Variants in AFG1L observed in about 807,000 individuals in gnomAD.
The protein encoded by AFG1L is AFG1-like ATPase.
In AFG1L, 53 loss-of-function variants were observed where a neutral mutation model predicts 62.2. The observed-to-expected ratio is 0.85, with a 90% CI of 0.68 to 1.07. The LOEUF (loss-of-function observed/expected upper bound fraction) is 1.07, where lower values mean the gene tolerates loss of function less well. Ranked by LOEUF, AFG1L falls within the 50% of genes least tolerant of loss-of-function variation. The probability of loss-of-function intolerance (pLI) is 0.00; values close to 1 mark genes in which losing one functional copy is unlikely to be tolerated. For synonymous variants in AFG1L, 228 were observed against 210.3 expected (o/e 1.08, Z -0.73); for missense variants, 555 against 590.5 (o/e 0.94, Z 0.62).
At chr6:108,355,173 T>C (rs976070087) in intron 3 of AFG1L, among the ~76,000 whole-genome samples, 3 of 151,824 alleles carry the variant, frequency 2.0e-5, no homozygotes, top group African/African-American at 7.2e-5. Context: ...ACTCTTGGGC[T>C]CAGGCAATTC....
intron 5 of AFG1L, among the ~76,000 whole-genome samples, chr6:108,364,864 C>CAAAAAAAAAAA (rs1562110488): frequency 2.4e-5 from 2 of 84,340 alleles, no homozygotes; most frequent in Non-Finnish European, 2.1e-5. Context: ...CCTGAGACAG[C>CAAAAAAAAAAA]CAAAAAAAAA....
In AFG1L at chr6:108,386,767, G is replaced by A. The variant is rs372361115; in HGVS notation, c.749-15229G>A. Among the ~76,000 whole-genome samples the A allele has an allele frequency of 1.5e-3, 226 of 152,320 alleles. 1 individual carries two copies. The highest frequency in any genetic ancestry group is 5.1e-3 in the African/African-American group (214 of 41,566). On this transcript the variant is annotated intron_variant, in intron 6 of 12. Coordinates refer to ENST00000368977, the MANE Select transcript of AFG1L (RefSeq NM_145315.5). ...ATACATGTGACACCAGTAGCAGAAA[G>A]GGGGATGTTTAGTTGGTTCTATACG...
intron 10 of AFG1L, among the ~76,000 whole-genome samples, chr6:108,482,469 A>G (rs1773362145): frequency 6.6e-6 from 1 of 152,182 alleles, no homozygotes; most frequent in African/African-American, 2.4e-5. Flanking sequence ...AACATCTTAC[A>G]TTCATATGGT....
intron 7 of AFG1L, among the ~76,000 whole-genome samples, chr6:108,406,778 C>T (rs1781877071): frequency 6.6e-6 from 1 of 152,164 alleles, no homozygotes; most frequent in Non-Finnish European, 1.5e-5. Flanking sequence ...TCTCATTCTA[C>T]AAAATAGATT....
Position 108,314,588 on chromosome 6 carries a change from G to A in AFG1L, c.140-9237G>A, listed in dbSNP as rs955401403. On this transcript the variant is annotated intron_variant, in intron 1 of 12. Transcript: ENST00000368977. ...ATTTCTTTTGTGTTTTAGTAGAAAC[G>A]GGGTTTCACCGTGTTGCCTAGGCTG... is the stretch of plus-strand genomic sequence containing the variant. 3.9e-4 allele frequency among the ~76,000 whole-genome samples: 60 copies of A among 152,098 alleles called. 1 individual carries two copies. The highest frequency in any genetic ancestry group is 1.3e-3 in the African/African-American group (54 of 41,526).
At chr6:108,436,885 A>G (rs1444879833) in intron 7 of AFG1L, among the ~76,000 whole-genome samples, 1 of 152,236 alleles carries the variant, frequency 6.6e-6, no homozygotes, top group Non-Finnish European at 1.5e-5. Flanking sequence ...TCCCTGGCAC[A>G]TGGTAAGCCC....
At chr6:108,308,353 G>A (rs893028760) in intron 1 of AFG1L, among the ~76,000 whole-genome samples, 4 of 152,006 alleles carry the variant, frequency 2.6e-5, no homozygotes, top group African/African-American at 9.7e-5. Flanking sequence ...ATCTCTCTAT[G>A]TTGCCCAGGT....
intron 10 of AFG1L, among the ~76,000 whole-genome samples, chr6:108,483,940 C>A (rs1277324670): frequency 6.6e-6 from 1 of 152,170 alleles, no homozygotes; most frequent in Non-Finnish European, 1.5e-5. Flanking sequence ...AGTGACATTT[C>A]CCTTCTCTTG....
At chr6:108,502,376 TG>T (rs1774241616) in intron 10 of AFG1L, among the ~76,000 whole-genome samples, 1 of 152,176 alleles carries the variant, frequency 6.6e-6, no homozygotes, top group Non-Finnish European at 1.5e-5. Flanking sequence ...TGGCTAATTT[TG>T]TATTTTTAGT....
chr6:108,506,031 A>G (rs1040467309), intron 10 of AFG1L, among the ~76,000 whole-genome samples: 1 of 152,192 alleles, frequency 6.6e-6, no homozygotes, highest in Non-Finnish European at 1.5e-5. Flanking sequence ...AAATGGGAGC[A>G]TATTGACCTG....
chr6:108,480,549 A>G (rs1403946822), intron 10 of AFG1L, among the ~76,000 whole-genome samples: 1 of 152,094 alleles, frequency 6.6e-6, no homozygotes, highest in Non-Finnish European at 1.5e-5. Flanking sequence ...TTAAAGTGTA[A>G]TCATTTGGGA....
chr6:108,510,406 A>G (rs1035541284), intron 11 of AFG1L, 54 bp downstream of exon 11: 10 of 1,421,154 alleles, frequency 7.0e-6, no homozygotes, highest in South Asian at 3.9e-5. Flanking sequence ...GTGAAGCCAG[A>G]TTGCCTGGGC....
rs1403501262 is a variant in AFG1L at position 108,354,954 on chromosome 6, C to T, written c.416-700C>T. ...CAAGGATTGACTGTATCAGAATTTC[C>T]TCAAGTAGGCTTTATTTTGAGAGAT... On this transcript the variant is annotated intron_variant, in intron 3 of 12. Coordinates refer to ENST00000368977, the MANE Select transcript of AFG1L (RefSeq NM_145315.5). 2.0e-5 allele frequency among the ~76,000 whole-genome samples: 3 copies of T among 152,074 alleles called. No individual in the cohort carries two copies. The East Asian group carries it at 5.8e-4, about 29-fold the overall frequency.
intron 6 of AFG1L, among the ~76,000 whole-genome samples, chr6:108,369,174 G>A (rs1300465953): frequency 6.6e-6 from 1 of 152,100 alleles, no homozygotes; most frequent in Non-Finnish European, 1.5e-5. Context: ...ATCAGGAAGA[G>A]GTAAAACTGT....
intron 6 of AFG1L, chr6:108,387,400 C>A (rs1780812204): frequency 6.6e-6 from 1 of 152,272 alleles, no homozygotes; most frequent in East Asian, 1.9e-4. Context: ...CCTCTGCATG[C>A]CCTGCACATA....
chr6:108,308,997 G>T (rs1777307410), intron 1 of AFG1L, among the ~76,000 whole-genome samples: 1 of 152,172 alleles, frequency 6.6e-6, no homozygotes, highest in African/African-American at 2.4e-5. Flanking sequence ...GTGAGCCACT[G>T]CGCCTGGCCA....
At chr6:108,520,162 A>G (rs1051759582) in intron 12 of AFG1L, 1 of 197,060 alleles carries the variant, frequency 5.1e-6, no homozygotes, top group African/African-American at 2.4e-5. Context: ...TTGCTCTGCT[A>G]TACCATGCTG....
intron 2 of AFG1L, chr6:108,344,896 C>A: frequency 2.3e-6 from 1 of 434,190 alleles, no homozygotes; most frequent in South Asian, 1.7e-5. Context: ...ATCTCCAGAG[C>A]CCTTCAGTTT....
chr6:108,408,832 TTC>T (rs1259466690), intron 7 of AFG1L, among the ~76,000 whole-genome samples: 3 of 152,196 alleles, frequency 2.0e-5, no homozygotes, highest in Admixed American at 2.0e-4. Context: ...TTTTTCTTTT[TTC>T]TTTTTTTTTA....
Sources: allele counts gnomAD v4.1 joint callset (sites outside exome capture counted in the v4.1 genomes callset), GRCh38; gene constraint gnomAD v4.1.1; transcripts MANE v1.5; gene names NCBI Gene and HGNC (gene_info 2026-07-23, HGNC 2026-07-21).